DSCAML1: variants seen among roughly 807,000 people sequenced by gnomAD.
DSCAML1 encodes DS cell adhesion molecule like 1.
Under a neutral mutation model 200.5 loss-of-function variants are expected in DSCAML1, and 38 were observed. The observed-to-expected ratio is 0.19, with a 90% CI of 0.15 to 0.25. The LOEUF is 0.25. DSCAML1 is among the 10% of genes least tolerant of loss of function. The pLI, the probability that DSCAML1 is intolerant of heterozygous loss-of-function variation, is 1.00. For synonymous variants in DSCAML1, 1,215 were observed against 1,165.0 expected, an observed-to-expected ratio of 1.04 and a Z score of -0.87; for missense variants, 2,223 against 2,858.8, an observed-to-expected ratio of 0.78 and a Z score of 5.07.
intron 5 of DSCAML1, 58 bp downstream of exon 5, chr11:117,524,747 G>A (rs935426232): frequency 1.5e-4 from 228 of 1,529,016 alleles, no homozygotes; most frequent in Non-Finnish European, 1.3e-4. Flanking sequence ...CTCCTCCCCC[G>A]ACCCCTGAGG....
At position 117,518,416 on chromosome 11, in the gene DSCAML1, T is replaced by C. The variant is rs367785005; in HGVS notation, c.1510+50A>G. 6.8e-6 allele frequency: 11 copies of C among 1,608,792 alleles called. No individual in the cohort carries two copies. Among genetic ancestry groups the C allele is most frequent in the African/African-American group, 1.3e-5 (1 of 74,936 alleles). On this transcript the variant is annotated intron_variant, in intron 7 of 32. Coordinates refer to ENST00000651296, the MANE Select transcript of DSCAML1 (RefSeq NM_020693.4). This position sits in a 1 kb window ranked among gnomAD's most constrained non-coding sequence, Gnocchi z 6.3. ...ACAAGAATAATGGTAACCACAGAGATGGCAAAGGAACTCAAAAACCTATTC... is the reference window on the plus strand; with the variant it reads ...ACAAGAATAATGGTAACCACAGAGACGGCAAAGGAACTCAAAAACCTATTC...
intron 11 of DSCAML1, among the ~76,000 whole-genome samples, chr11:117,497,671 C>A (rs920789407): frequency 6.6e-6 from 1 of 152,276 alleles, no homozygotes. Context: ...GCACTGGGCC[C>A]CAGGTTTCCA....
At chr11:117,631,877 A>C (rs1262912861) in intron 3 of DSCAML1, among the ~76,000 whole-genome samples, 1 of 152,182 alleles carries the variant, frequency 6.6e-6, no homozygotes, top group Non-Finnish European at 1.5e-5. Context: ...AGCTAAGGAG[A>C]GAAGGTCTAT....
At chr11:117,486,103 G>A (rs1018198101) in intron 11 of DSCAML1, among the ~76,000 whole-genome samples, 6 of 152,218 alleles carry the variant, frequency 3.9e-5, no homozygotes, top group Admixed American at 3.9e-4. Context: ...CAGACTCCAT[G>A]GAAAAGGCTC....
At chr11:117,807,441 G>T (rs750180541) in intron 1 of DSCAML1, among the ~76,000 whole-genome samples, 5 of 152,154 alleles carry the variant, frequency 3.3e-5, no homozygotes, top group East Asian at 1.9e-4. Flanking sequence ...TCCCCACTCC[G>T]CCCAGCCTAA....
At chr11:117,807,405 A>G (rs575442941) in intron 1 of DSCAML1, among the ~76,000 whole-genome samples, 3 of 152,144 alleles carry the variant, frequency 2.0e-5, no homozygotes, top group African/African-American at 7.2e-5. Flanking sequence ...GGGGTGGGAG[A>G]TCTCCTCTGC....
intron 11 of DSCAML1, among the ~76,000 whole-genome samples, chr11:117,487,071 C>G (rs542224536): frequency 6.6e-6 from 1 of 151,542 alleles, no homozygotes; most frequent in Non-Finnish European, 1.5e-5. Flanking sequence ...ATTACAAGCG[C>G]GTACCACTAC....
chr11:117,486,669 A>C (rs1210685041), intron 11 of DSCAML1, among the ~76,000 whole-genome samples: 2 of 152,140 alleles, frequency 1.3e-5, no homozygotes, highest in East Asian at 1.9e-4. Context: ...AGTTCAGAAA[A>C]TACACGTGTA....
At chr11:117,730,905 A>C (rs1259988560) in intron 3 of DSCAML1, among the ~76,000 whole-genome samples, 1 of 152,210 alleles carries the variant, frequency 6.6e-6, no homozygotes, top group African/African-American at 2.4e-5. Context: ...CCGGACACAA[A>C]AGGCCACATA....
intron 6 of DSCAML1, among the ~76,000 whole-genome samples, chr11:117,520,792 A>T (rs957856384): frequency 7.1e-6 from 1 of 139,938 alleles, no homozygotes; most frequent in Non-Finnish European, 1.7e-5. Flanking sequence ...GCATGGTGCA[A>T]GATGGTCCCT....
In DSCAML1 at chr11:117,562,362, C is replaced by T. The variant is rs2010508; in HGVS notation, c.512-29840G>A. 1.8e-3 allele frequency among the ~76,000 whole-genome samples: 277 copies of T among 152,350 alleles called. 2 individuals are homozygous for T. The highest frequency in any genetic ancestry group is 6.2e-3 in the African/African-American group (258 of 41,584). On this transcript the variant is annotated intron_variant, in intron 3 of 32. Coordinates refer to ENST00000651296, the MANE Select transcript of DSCAML1 (RefSeq NM_020693.4). ...CTAGGGACTGGACTCCAGGGCTCCT[C>T]GCCAGGGTGTGTGTGCCAGCCCCAT...
intron 3 of DSCAML1, among the ~76,000 whole-genome samples, chr11:117,742,770 CAG>C (rs1206175788): frequency 6.6e-6 from 1 of 152,202 alleles, no homozygotes; most frequent in Non-Finnish European, 1.5e-5. Context: ...ATACTCGAAT[CAG>C]AGAAAAATAT....
chr11:117,812,616 T>C (rs2055770500), intron 1 of DSCAML1, among the ~76,000 whole-genome samples: 1 of 151,944 alleles, frequency 6.6e-6, no homozygotes, highest in South Asian at 2.1e-4. Context: ...GCAAATTACC[T>C]GGGCTGTACT....
chr11:117,599,309 T>C (rs1003895001), intron 3 of DSCAML1, among the ~76,000 whole-genome samples: 1 of 152,214 alleles, frequency 6.6e-6, no homozygotes, highest in Non-Finnish European at 1.5e-5. Context: ...CTGGTCCATA[T>C]ACCTTCTTAT....
intron 3 of DSCAML1, among the ~76,000 whole-genome samples, chr11:117,673,353 C>G (rs186200893): frequency 6.6e-6 from 1 of 152,152 alleles, no homozygotes; most frequent in African/African-American, 2.4e-5. Flanking sequence ...TGAGCCAGCT[C>G]CTGGGTGGAC....
rs183646410 is a variant in DSCAML1 at position 117,648,155 on chromosome 11, G to C, written c.512-115633C>G. ...CAGCACCATCTGTGCCCGTCTTTACGCACTCATTCCCCCATCTCAGAGGGG... is the reference window on the plus strand; with the variant it reads ...CAGCACCATCTGTGCCCGTCTTTACCCACTCATTCCCCCATCTCAGAGGGG... On this transcript the variant is annotated intron_variant, in intron 3 of 32. Coordinates refer to ENST00000651296, the MANE Select transcript of DSCAML1 (RefSeq NM_020693.4). Among the ~76,000 whole-genome samples the C allele has an allele frequency of 3.9e-5, 6 of 152,270 alleles. No homozygotes were observed. The East Asian group carries it at 1.2e-3, about 29-fold the overall frequency.
chr11:117,475,024 G>A (rs1052054400), intron 14 of DSCAML1, among the ~76,000 whole-genome samples: 1 of 152,026 alleles, frequency 6.6e-6, no homozygotes, highest in African/African-American at 2.4e-5. Context: ...CAAAGTGCTG[G>A]GATTACAGGC....
rs59327038 is a variant in DSCAML1 at position 117,638,315 on chromosome 11, AGTGTGTGTGTGTGT to A, written c.512-105807_512-105794del. Among the ~76,000 whole-genome samples the A allele has an allele frequency of 7.2e-3, 976 of 135,216 alleles. 8 individuals are homozygous for A. The highest frequency in any genetic ancestry group is 9.2e-3 in the Non-Finnish European group (584 of 63,360). 88.7% of individuals were successfully genotyped at this position (135,216 alleles called of 152,430 possible). On this transcript the variant is annotated intron_variant, in intron 3 of 32. Coordinates refer to ENST00000651296, the MANE Select transcript of DSCAML1 (RefSeq NM_020693.4). Reference sequence around the variant, plus strand: ...CATCCTAGTTCCACACAAGATAGCAAGTGTGTGTGTGTGTGTGTGTGTGTGTGTGTGTGTGTGTG... The same window carrying A: ...CATCCTAGTTCCACACAAGATAGCAAGTGTGTGTGTGTGTGTGTGTGTGTG...
At chr11:117,562,535 G>A (rs2137418065) in intron 3 of DSCAML1, among the ~76,000 whole-genome samples, 1 of 152,318 alleles carries the variant, frequency 6.6e-6, no homozygotes, top group South Asian at 2.1e-4. Context: ...GGGTCTCCTT[G>A]GCTGCAGGGC....
Sources: allele counts gnomAD v4.1 joint callset (sites outside exome capture counted in the v4.1 genomes callset), GRCh38; gene constraint gnomAD v4.1.1; non-coding constraint Gnocchi (gnomAD v3.1); transcripts MANE v1.5; gene names NCBI Gene and HGNC (gene_info 2026-07-23, HGNC 2026-07-21).